Variants in NXN observed in about 807,000 individuals in gnomAD.
NXN encodes the protein nucleoredoxin 1.
Under a neutral mutation model 48.6 loss-of-function variants are expected in NXN, and 16 were observed. The observed-to-expected ratio is 0.33, with a 90% CI of 0.22 to 0.50. NXN has a LOEUF of 0.50. NXN is among the 20% of genes least tolerant of loss of function. NXN has a pLI of 0.98. For synonymous variants in NXN, 281 were observed against 269.6 expected (o/e 1.04, Z -0.41); for missense variants, 492 against 605.5 (o/e 0.81, Z 1.97).
chr17:863,976 G>A (rs1438254105), intron 1 of NXN: 23 of 1,534,942 alleles, frequency 1.5e-5, no homozygotes, highest in Middle Eastern at 1.7e-4. Context: ...GAGGAAACAC[G>A]TTAACCATTG....
At chr17:941,305 G>A (rs1481327162) in intron 1 of NXN, among the ~76,000 whole-genome samples, 12 of 147,928 alleles carry the variant, frequency 8.1e-5, no homozygotes, top group African/African-American at 2.8e-4. Context: ...GATTTACAGC[G>A]AACAAGATTC....
intron 1 of NXN, chr17:879,747 G>A (rs2144832482): frequency 6.6e-6 from 1 of 152,374 alleles, no homozygotes; most frequent in African/African-American, 2.4e-5. Context: ...AGGAGAGCTG[G>A]TGGGAGGAGC....
At chr17:863,466 C>A (rs1189573573) in intron 1 of NXN, among the ~76,000 whole-genome samples, 2 of 151,340 alleles carry the variant, frequency 1.3e-5, no homozygotes, top group East Asian at 3.9e-4. Context: ...CACGCTCAGC[C>A]GTGTTTTGTT....
chr17:940,048 C>T (rs1451778659), intron 1 of NXN, among the ~76,000 whole-genome samples: 2 of 151,956 alleles, frequency 1.3e-5, no homozygotes, highest in African/African-American at 4.8e-5. Context: ...ATCCTCCCAC[C>T]TCAGCCTCCT....
At chr17:934,828 C>T (rs927290831) in intron 1 of NXN, among the ~76,000 whole-genome samples, 6 of 151,798 alleles carry the variant, frequency 4.0e-5, no homozygotes, top group African/African-American at 1.5e-4. Context: ...GAGCCGAGAT[C>T]GTGCTATTTC....
chr17:805,774 G>C (rs1567807999), intron 5 of NXN, among the ~76,000 whole-genome samples: 1 of 152,112 alleles, frequency 6.6e-6, no homozygotes, highest in Non-Finnish European at 1.5e-5. Flanking sequence ...GGAGGTGGAG[G>C]TTGCAGTGAG....
At chr17:884,942 GAC>G (rs1468421080) in intron 1 of NXN, among the ~76,000 whole-genome samples, 3 of 152,186 alleles carry the variant, frequency 2.0e-5, no homozygotes, top group African/African-American at 7.2e-5. Context: ...CTCAGCGGAG[GAC>G]ACAGGAGAAT....
Position 860,686 on chromosome 17 carries a change from G to A in NXN, c.361-34608C>T, listed in dbSNP as rs183538176. ...TGGGATGACAGGCGTGAGCCGCCGC[G>A]CCCGGCCTGCATAGTTTTGACTTTT... On this transcript the variant is annotated intron_variant, in intron 1 of 7. Transcript: ENST00000336868. Among the ~76,000 whole-genome samples the A allele has an allele frequency of 2.4e-3, 359 of 152,420 alleles. 3 individuals are homozygous for A. The highest frequency in any genetic ancestry group is 1.3e-3 in the Non-Finnish European group (90 of 68,046).
intron 5 of NXN, among the ~76,000 whole-genome samples, chr17:816,593 G>A (rs556368117): frequency 1.3e-5 from 2 of 152,152 alleles, no homozygotes; most frequent in East Asian, 1.9e-4. Flanking sequence ...TGGCGGCTTC[G>A]CATTCAAAGC....
chr17:896,991 C>T (rs931235909), intron 1 of NXN: 14 of 1,158,864 alleles, frequency 1.2e-5, no homozygotes, highest in African/African-American at 1.0e-4. Flanking sequence ...AAAGTCCCCG[C>T]GGCAGATACA....
chr17:841,551 G>GC (rs1914270484), intron 1 of NXN, among the ~76,000 whole-genome samples: 4 of 91,996 alleles, frequency 4.3e-5, no homozygotes, highest in Non-Finnish European at 2.1e-5. Flanking sequence ...TCACGCCGGC[G>GC]AGCAGGTCCC....
rs1428667072 is a variant in NXN at position 979,443 on chromosome 17, T to C, written c.236A>G (p.Glu79Gly). ...CTCCAGGCGCCGCCGCGGCTCGGGC[T>C]CCGCCGCCGCCCCGGCCCCCGCTCC... Reference protein sequence around the residue: ...GPGAGAGAAAEPEPRRRLEIV... With the variant: ...GPGAGAGAAAGPEPRRRLEIV... Residue 79 changes from glutamate (E) to glycine (G), a missense_variant, in exon 1 of 8, where the codon GAG (glutamate) becomes GGG (glycine). Physicochemically the swap from Glu to Gly is moderately conservative, Grantham distance 98. Transcript: ENST00000336868. 7.1e-6 allele frequency: 9 copies of C among 1,268,096 alleles called. No homozygotes were observed. Among genetic ancestry groups the C allele is most frequent in the African/African-American group, 1.6e-5 (1 of 64,278 alleles). The allele number at this position is 1,268,096 out of a possible 1,614,324, so 78.6% of individuals were successfully genotyped here.
Position 825,580 on chromosome 17 carries a change from AAG to A in NXN, c.478+379_478+380del. On this transcript the variant is annotated intron_variant, in intron 2 of 7. Transcript: ENST00000336868. This position sits in a 1 kb window ranked among gnomAD's most constrained non-coding sequence, Gnocchi z 4.1. ...TGGGACTTCGCTATGTAATGTTTTA[AAG>A]AGGAAAAACCCCACTCAGCCTGCCT... The A allele has an allele frequency of 5.5e-6, 1 of 183,126 alleles. No individual in the cohort carries two copies. Among genetic ancestry groups the A allele is most frequent in the Non-Finnish European group, 1.2e-5 (1 of 86,786 alleles). 11.3% of individuals were successfully genotyped at this position (183,126 alleles called of 1,614,324 possible).
Position 979,461 on chromosome 17 carries a change from C to G in NXN, c.218G>C (p.Gly73Ala). Residue 73 changes from glycine (G) to alanine (A), a missense_variant, in exon 1 of 8, where the codon GGG becomes GCG. Gly to Ala is a moderately conservative substitution (Grantham distance 60). Coordinates refer to ENST00000336868, the MANE Select transcript of NXN (RefSeq NM_022463.5). The stretch of plus-strand genomic sequence containing the variant: ...CTCGGGCTCCGCCGCCGCCCCGGCC[C>G]CCGCTCCCGGCCCCGGCCCGGCCGC... ...DAAAGPGPGAGAGAAAEPEPR... is the reference protein window; with the variant it reads ...DAAAGPGPGAAAGAAAEPEPR... 8.2e-7 allele frequency: 1 copy of G among 1,214,774 alleles called. No individual in the cohort carries two copies. Among genetic ancestry groups the G allele is most frequent in the Non-Finnish European group, 1.0e-6 (1 of 972,860 alleles). The allele number at this position is 1,214,774 out of a possible 1,614,324, so 75.2% of individuals were successfully genotyped here.
intron 1 of NXN, among the ~76,000 whole-genome samples, chr17:948,637 C>CTCGGTGCT (rs936965392): frequency 4.6e-5 from 7 of 152,014 alleles, no homozygotes; most frequent in East Asian, 1.9e-4. Context: ...AAAACCATCA[C>CTCGGTGCT]TCGGTGCTTC....
At chr17:964,905 C>T (rs150413173) in intron 1 of NXN, among the ~76,000 whole-genome samples, 110 of 152,240 alleles carry the variant, frequency 7.2e-4, no homozygotes, top group Non-Finnish European at 1.2e-3. Flanking sequence ...CTGTGTGTGA[C>T]GGAGAGAATG....
Position 934,306 on chromosome 17 carries a change from C to T in NXN, c.360+45013G>A, listed in dbSNP as rs1014850729. Among the ~76,000 whole-genome samples, 50 of 151,780 alleles carry T rather than the reference C, an allele frequency of 3.3e-4. 4 individuals are homozygous for T. The highest frequency in any genetic ancestry group is 2.4e-5 in the African/African-American group (1 of 41,302). On this transcript the variant is annotated intron_variant, in intron 1 of 7. Coordinates refer to ENST00000336868, the MANE Select transcript of NXN (RefSeq NM_022463.5). ...TAAAAATACAAAAAAATTAGCCGGG[C>T]GTGGTGGCGGGCACCTGTAGTCCCA...
intron 5 of NXN, among the ~76,000 whole-genome samples, chr17:811,403 C>CG (rs1911995543): frequency 6.6e-6 from 1 of 151,880 alleles, no homozygotes; most frequent in African/African-American, 2.4e-5. Flanking sequence ...CAACTGCTAA[C>CG]GGGGTCTGTC....
At chr17:954,106 C>G (rs1333039798) in intron 1 of NXN, among the ~76,000 whole-genome samples, 5 of 152,006 alleles carry the variant, frequency 3.3e-5, no homozygotes, top group Non-Finnish European at 7.4e-5. Context: ...GGCCAGGCGC[C>G]GTGGCTCATG....
Sources: gnomAD v4.1 joint callset for allele counts (sites outside exome capture counted in the v4.1 genomes callset) on GRCh38, gnomAD v4.1.1 for gene constraint, Gnocchi (gnomAD v3.1) non-coding constraint, MANE v1.5 for transcripts, NCBI Gene and HGNC (gene_info 2026-07-23, HGNC 2026-07-21) for gene names.